The following GALNT14 variants were observed in gnomAD, a reference collection of about 807,000 sequenced individuals.
The protein encoded by GALNT14 is UDP-GalNAc:polypeptide N-acetylgalactosaminyltransferase 14.
GALNT14 carries 60 observed loss-of-function variants against 77.5 expected under a neutral mutation model. The observed-to-expected ratio is 0.77, with a 90% CI of 0.63 to 0.96. The LOEUF (loss-of-function observed/expected upper bound fraction) is 0.96. GALNT14 is among the 40% of genes least tolerant of loss of function. GALNT14 has a pLI of 0.00. For missense variants in GALNT14, 710 were observed against 731.0 expected, an observed-to-expected ratio of 0.97 and a Z score of 0.33; for synonymous variants, 280 against 281.7, an observed-to-expected ratio of 0.99 and a Z score of 0.06.
intron 13 of GALNT14, 98 bp downstream of exon 13, chr2:30,924,021 A>T (rs1665196571): frequency 7.5e-7 from 1 of 1,330,552 alleles, no homozygotes; most frequent in Non-Finnish European, 1.1e-6. Flanking sequence ...ATAAATGGGC[A>T]TCTGATGTCA....
chr2:31,112,241 CT>C (rs1321292693), intron 1 of GALNT14, among the ~76,000 whole-genome samples: 4 of 152,236 alleles, frequency 2.6e-5, no homozygotes, highest in African/African-American at 4.8e-5. Flanking sequence ...CTTTCTTAGC[CT>C]AAGCACCGTG....
Position 30,912,083 on chromosome 2 carries a change from T to G in GALNT14, c.1500+140A>C, listed in dbSNP as rs891517998. ...TCACAGAGGGGATCCCAGGCAGCAC[T>G]TTCCCTCCCTCTCCTGACCTCTCTT... On this transcript the variant is annotated intron_variant, in intron 14 of 14. Coordinates refer to ENST00000349752, the MANE Select transcript of GALNT14 (RefSeq NM_024572.4). 7.4e-6 allele frequency: 8 copies of G among 1,088,108 alleles called. No individual in the cohort carries two copies. In the African/African-American group the frequency reaches 1.1e-4, roughly 15 times the overall value. The allele number at this position is 1,088,108 out of a possible 1,614,324, so 67.4% of individuals were successfully genotyped here.
chr2:30,908,370 C>G (rs1248332494), downstream of GALNT14, among the ~76,000 whole-genome samples: 1 of 151,606 alleles, frequency 6.6e-6, no homozygotes, highest in Non-Finnish European at 1.5e-5. Context: ...TCTCAGGATA[C>G]AAAATCAATG....
chr2:31,120,100 G>T lies in GALNT14; in HGVS notation c.129+17858C>A, dbSNP rs949817420. Among the ~76,000 whole-genome samples, 10 of 72,138 alleles carry T rather than the reference G, an allele frequency of 1.4e-4. 4 individuals are homozygous for T. The highest frequency in any genetic ancestry group is 9.3e-4 in the East Asian group (3 of 3,230). The allele number at this position is 72,138 out of a possible 152,430, so 47.3% of individuals were successfully genotyped here. A position where few individuals can be genotyped will look rare whatever the true frequency, so the allele number is the denominator to read the frequency against. The stretch of plus-strand genomic sequence containing the variant: ...GAACCCGGGAGGCGGAGCTTGCAGT[G>T]AGCCGAGATCGCGCCACTGCACTCC... On this transcript the variant is annotated intron_variant, in intron 1 of 14. Coordinates refer to ENST00000349752, the MANE Select transcript of GALNT14 (RefSeq NM_024572.4).
the GALNT14 span, among the ~76,000 whole-genome samples, chr2:30,897,132 T>C: frequency 2.0e-5 from 3 of 152,308 alleles, no homozygotes; most frequent in East Asian, 5.8e-4. Context: ...CTTTTTTCCA[T>C]GTCTCCTACA....
chr2:30,927,561 G>A (rs1372953775), intron 11 of GALNT14, among the ~76,000 whole-genome samples: 2 of 152,238 alleles, frequency 1.3e-5, no homozygotes, highest in African/African-American at 4.8e-5. Context: ...AGTACAGGTG[G>A]AGGGATGGAG....
intron 1 of GALNT14, among the ~76,000 whole-genome samples, chr2:31,070,537 C>A (rs1386232507): frequency 1.3e-5 from 2 of 152,212 alleles, no homozygotes; most frequent in Non-Finnish European, 2.9e-5. Context: ...CATTTTCTCC[C>A]AGCCTGAAAA....
chr2:30,911,010 C>A lies in GALNT14; in HGVS notation c.1550G>T (p.Cys517Phe). 1 of 1,613,970 alleles carries A rather than the reference C, an allele frequency of 6.2e-7. No homozygotes were observed. The highest frequency in any genetic ancestry group is 8.5e-7 in the Non-Finnish European group (1 of 1,180,008). Residue 517 changes from cysteine (C) to phenylalanine (F), a missense_variant, in exon 15 of 15, where the codon TGC becomes TTC. By Grantham distance (205) the Cys-to-Phe change is radical (BLOSUM62 -2). Transcript: ENST00000349752. ...ATCACCGAACATATCTGTATCGAGG[C>A]AGAGGTGGGATGCTATGTGCTCGAT... ...SHIEHIASHLCLDTDMFGDGT... is the reference protein window; with the variant it reads ...SHIEHIASHLFLDTDMFGDGT...
At chr2:30,990,041 G>T (rs73923340) in intron 2 of GALNT14, among the ~76,000 whole-genome samples, 5,000 of 151,984 alleles carry the variant, frequency 0.033, 267 homozygotes, top group African/African-American at 0.11. Context: ...AGCAGAGGTG[G>T]ATTCACAGCA....
intron 2 of GALNT14, among the ~76,000 whole-genome samples, chr2:30,979,345 G>A (rs1175550531): frequency 1.3e-5 from 2 of 152,192 alleles, no homozygotes; most frequent in African/African-American, 2.4e-5. Flanking sequence ...AGTCTGAAGG[G>A]TGGTGGCACC....
chr2:31,080,903 T>C (rs1352809472), intron 1 of GALNT14, among the ~76,000 whole-genome samples: 1 of 152,144 alleles, frequency 6.6e-6, no homozygotes, highest in African/African-American at 2.4e-5. Context: ...AGATACAGAA[T>C]ATATGTGGCC....
rs141970744 is a variant in GALNT14, at chr2:30,921,051, G to A, written c.1380+3068C>T. Among the ~76,000 whole-genome samples, 150 of 152,322 alleles carry A rather than the reference G, an allele frequency of 9.8e-4. 4 individuals carry two copies. The East Asian group carries it at 0.025, about 25-fold the overall frequency. ...CCAGGATGAGTGTGAGTTGCCCCCA[G>A]ATGACTGCTGTCCCTCCCCTTTTTC... On this transcript the variant is annotated intron_variant, in intron 13 of 14. Coordinates refer to ENST00000349752, the MANE Select transcript of GALNT14 (RefSeq NM_024572.4).
chr2:31,067,311 A>T (rs968579719), intron 1 of GALNT14, among the ~76,000 whole-genome samples: 4 of 152,142 alleles, frequency 2.6e-5, no homozygotes, highest in African/African-American at 9.7e-5. Flanking sequence ...CAAGGGGTCC[A>T]TGTCCCCACG....
At chr2:31,033,359 A>T (rs1024506809) in intron 1 of GALNT14, among the ~76,000 whole-genome samples, 1 of 152,092 alleles carries the variant, frequency 6.6e-6, no homozygotes, top group Admixed American at 6.5e-5. Context: ...AGAACCACAC[A>T]AATAAAGAGC....
chr2:31,068,440 T>C (rs573487101), intron 1 of GALNT14, among the ~76,000 whole-genome samples: 1 of 149,620 alleles, frequency 6.7e-6, no homozygotes, highest in African/African-American at 2.5e-5. Context: ...TGAGCCCAGA[T>C]TGCGCCACTG....
intron 6 of GALNT14, 79 bp downstream of exon 6, chr2:30,955,539 A>G: frequency 6.5e-7 from 1 of 1,544,242 alleles, no homozygotes; most frequent in African/African-American, 1.4e-5. Context: ...GGGGTTGCAC[A>G]TGTGAAGTAA....
chr2:30,910,674 A>G lies in GALNT14; in HGVS notation c.*227T>C. ...TCAGGGAATGACTGGCCAGGACTGG[A>G]ACTTAACGGCCTTGAGAACATGTGG... On this transcript the variant is annotated 3_prime_UTR_variant, in exon 15 of 15. Transcript: ENST00000349752. 1 of 497,030 alleles carries G rather than the reference A, an allele frequency of 2.0e-6. No individual in the cohort carries two copies. The allele number at this position is 497,030 out of a possible 1,614,324, so 30.8% of individuals were successfully genotyped here.
At chr2:30,958,116 G>A (rs1159964748) in intron 4 of GALNT14, among the ~76,000 whole-genome samples, 1 of 152,180 alleles carries the variant, frequency 6.6e-6, no homozygotes, top group African/African-American at 2.4e-5. Context: ...ACGGGGTTGG[G>A]GAGGTCCCAA....
At chr2:30,938,359 TAC>T (rs151007812) in intron 9 of GALNT14, among the ~76,000 whole-genome samples, 2,717 of 140,868 alleles carry the variant, frequency 0.019, 37 homozygotes, top group Non-Finnish European at 0.024. Context: ...AGATTCCTTT[TAC>T]ACACACACAC....
Sources: gnomAD v4.1 joint callset for allele counts (sites outside exome capture counted in the v4.1 genomes callset) on GRCh38, gnomAD v4.1.1 for gene constraint, MANE v1.5 for transcripts, NCBI Gene and HGNC (gene_info 2026-07-23, HGNC 2026-07-21) for gene names.